PLD5: variants seen among roughly 807,000 people sequenced by gnomAD.
PLD5 encodes the protein phospholipase D family member 5.
A neutral mutation model predicts 61.1 loss-of-function variants in PLD5; 36 were observed. The observed-to-expected ratio is 0.59, with a 90% CI of 0.45 to 0.78. The LOEUF (loss-of-function observed/expected upper bound fraction) is 0.78. PLD5 is among the 30% of genes least tolerant of loss of function. The pLI, the probability that PLD5 is intolerant of heterozygous loss-of-function variation, is 0.00. For synonymous variants in PLD5, 243 were observed against 242.8 expected, an observed-to-expected ratio of 1.00 and a Z score of -0.01; for missense variants, 515 against 644.4, an observed-to-expected ratio of 0.80 and a Z score of 2.17.
intron 5 of PLD5, among the ~76,000 whole-genome samples, chr1:242,142,468 G>A (rs945810681): frequency 2.6e-5 from 4 of 152,034 alleles, no homozygotes; most frequent in African/African-American, 9.7e-5. Flanking sequence ...TGGGAGCAAC[G>A]TACATATTCT....
intron 1 of PLD5, among the ~76,000 whole-genome samples, chr1:242,376,030 TA>T: frequency 6.6e-6 from 1 of 152,358 alleles, no homozygotes; most frequent in East Asian, 1.9e-4. Context: ...GTTTCTGTAA[TA>T]TTTAATAAAT....
At chr1:242,193,211 G>C (rs970828190) in intron 5 of PLD5, among the ~76,000 whole-genome samples, 2 of 152,172 alleles carry the variant, frequency 1.3e-5, no homozygotes, top group African/African-American at 2.4e-5. Flanking sequence ...TATTGGTCTA[G>C]TTTGCTCTCC....
intron 4 of PLD5, among the ~76,000 whole-genome samples, chr1:242,232,426 A>C (rs560974836): frequency 6.6e-6 from 1 of 152,334 alleles, no homozygotes; most frequent in African/African-American, 2.4e-5. Context: ...AGTATTCACA[A>C]ATAAGGGAGA....
At chr1:242,277,408 C>G (rs1258602215) in intron 3 of PLD5, among the ~76,000 whole-genome samples, 1 of 147,380 alleles carries the variant, frequency 6.8e-6, no homozygotes, top group African/African-American at 2.5e-5. Context: ...ATTCCATGGT[C>G]TTAACAAAGC....
intron 1 of PLD5, among the ~76,000 whole-genome samples, chr1:242,472,272 T>A (rs1418074282): frequency 2.6e-5 from 4 of 152,212 alleles, no homozygotes; most frequent in African/African-American, 7.2e-5. Flanking sequence ...AACCTCACAA[T>A]TTCTAAAGAT....
intron 4 of PLD5, among the ~76,000 whole-genome samples, chr1:242,255,490 A>G (rs1276547610): frequency 3.3e-5 from 5 of 152,342 alleles, no homozygotes; most frequent in South Asian, 4.1e-4. Context: ...AAAATTACGC[A>G]TGCTCTAAAT....
chr1:242,430,336 T>G (rs192025864), intron 1 of PLD5, among the ~76,000 whole-genome samples: 1 of 152,284 alleles, frequency 6.6e-6, no homozygotes, highest in African/African-American at 2.4e-5. Context: ...ACCTTCTCAG[T>G]AAGTCCTCAG....
chr1:242,177,530 G>A (rs1031858184), intron 5 of PLD5, among the ~76,000 whole-genome samples: 1 of 151,986 alleles, frequency 6.6e-6, no homozygotes, highest in Non-Finnish European at 1.5e-5. Flanking sequence ...AAAACTGCAC[G>A]TTTTGTACAT....
chr1:242,484,064 G>A (rs1257059505), intron 1 of PLD5, among the ~76,000 whole-genome samples: 2 of 152,194 alleles, frequency 1.3e-5, no homozygotes, highest in African/African-American at 4.8e-5. Context: ...AAAGCCATGT[G>A]TAGAGGGAAA....
intron 1 of PLD5, among the ~76,000 whole-genome samples, chr1:242,392,913 T>C (rs1663018180): frequency 6.6e-6 from 1 of 152,130 alleles, no homozygotes; most frequent in South Asian, 2.1e-4. Context: ...GCAATAAAAG[T>C]ATTTTTAGGC....
At chr1:242,520,125 T>C (rs549773212) in intron 1 of PLD5, among the ~76,000 whole-genome samples, 1 of 152,256 alleles carries the variant, frequency 6.6e-6, no homozygotes, top group African/African-American at 2.4e-5. Context: ...CTTTGGCCAA[T>C]ACACATGAGT....
intron 1 of PLD5, among the ~76,000 whole-genome samples, chr1:242,419,055 T>C (rs60208571): frequency 0.037 from 5,696 of 152,198 alleles, 384 homozygotes; most frequent in African/African-American, 0.13. Flanking sequence ...GAATAATGCT[T>C]AGAAAAGCTT....
intron 5 of PLD5, among the ~76,000 whole-genome samples, chr1:242,133,799 G>A (rs1574364211): frequency 6.6e-6 from 1 of 152,194 alleles, no homozygotes; most frequent in Non-Finnish European, 1.5e-5. Context: ...AAAACCTTGA[G>A]TAGAGTAACT....
chr1:242,264,677 C>T (rs1673555279), intron 4 of PLD5, among the ~76,000 whole-genome samples: 1 of 152,176 alleles, frequency 6.6e-6, no homozygotes, highest in Non-Finnish European at 1.5e-5. Context: ...GGCTCAAACA[C>T]GCCTTTTCCT....
At chr1:242,094,131 T>C (rs1349604394) in intron 9 of PLD5, among the ~76,000 whole-genome samples, 1 of 152,094 alleles carries the variant, frequency 6.6e-6, no homozygotes, top group Non-Finnish European at 1.5e-5. Context: ...AGCTTTTTTT[T>C]TTTGAGACTA....
At position 242,500,458 on chromosome 1, in the gene PLD5, T is replaced by C. The variant is rs72765067; in HGVS notation, c.189+23630A>G. On this transcript the variant is annotated intron_variant, in intron 1 of 9. Transcript: ENST00000536534. ...CCTGCTAGCAAGACATTTGCTAGGA[T>C]ACGGAAAATAATTTGCTAAGATACA... 9.6e-3 allele frequency among the ~76,000 whole-genome samples: 1,456 copies of C among 152,242 alleles called. 40 individuals carry two copies. The highest frequency in any genetic ancestry group is 0.064 in the Admixed American group (973 of 15,292).
At chr1:242,211,678 C>T (rs77200659) in intron 5 of PLD5, among the ~76,000 whole-genome samples, 6,373 of 152,130 alleles carry the variant, frequency 0.042, 438 homozygotes, top group African/African-American at 0.14. Context: ...ACAAGTGGCG[C>T]CCTGCATGAG....
chr1:242,401,864 G>T (rs997566365), intron 1 of PLD5, among the ~76,000 whole-genome samples: 2 of 152,224 alleles, frequency 1.3e-5, no homozygotes, highest in East Asian at 3.8e-4. Context: ...GACCCTGCTT[G>T]TCCTGTTCAT....
intron 1 of PLD5, among the ~76,000 whole-genome samples, chr1:242,369,638 G>A (rs1459615983): frequency 6.6e-6 from 1 of 152,164 alleles, no homozygotes; most frequent in African/African-American, 2.4e-5. Flanking sequence ...CAGAGGAGTT[G>A]TCATGTAAAA....
Sources: allele counts gnomAD v4.1 joint callset (sites outside exome capture counted in the v4.1 genomes callset), GRCh38; gene constraint gnomAD v4.1.1; transcripts MANE v1.5; gene names NCBI Gene and HGNC (gene_info 2026-07-23, HGNC 2026-07-21).